PAXBP1: variants seen among roughly 807,000 people sequenced by gnomAD.
PAXBP1 encodes PAX3- and PAX7-binding protein 1.
PAXBP1 carries 44 observed loss-of-function variants against 119.9 expected under a neutral mutation model. The ratio of observed to expected loss-of-function variants is 0.37; its 90% CI spans 0.29 to 0.47. PAXBP1 has a LOEUF of 0.47. PAXBP1 is among the 20% of genes least tolerant of loss of function. The pLI is 0.99. For synonymous variants in PAXBP1, 393 were observed against 406.6 expected (o/e 0.97, Z 0.40); for missense variants, 898 against 1,134.1 (o/e 0.79, Z 2.99).
intron 15 of PAXBP1, among the ~76,000 whole-genome samples, chr21:32,739,709 A>G (rs1407742457): frequency 6.6e-6 from 1 of 151,870 alleles, no homozygotes; most frequent in African/African-American, 2.4e-5. Flanking sequence ...GATCGAGACC[A>G]TCCTGGCTAA....
intron 3 of PAXBP1, among the ~76,000 whole-genome samples, 199 bp from the exon 4 acceptor site, chr21:32,762,516 TA>T (rs2044166664): frequency 6.6e-6 from 1 of 152,044 alleles, no homozygotes; most frequent in African/African-American, 2.4e-5. Flanking sequence ...CTGAGGAAAC[TA>T]AAAAGAACAT....
chr21:32,771,305 C>T (rs1251010364), intron 1 of PAXBP1, 21 bp downstream of exon 1: 2 of 1,566,114 alleles, frequency 1.3e-6, no homozygotes, highest in African/African-American at 1.4e-5. Flanking sequence ...CGTCTAAGGG[C>T]GTCCGAAGCG....
intron 10 of PAXBP1, 40 bp downstream of exon 10, chr21:32,750,877 T>C (rs775907972): frequency 6.8e-7 from 1 of 1,472,692 alleles, no homozygotes; most frequent in Non-Finnish European, 9.4e-7. Flanking sequence ...AAGTAGAAAC[T>C]AAACTGATGA....
At chr21:32,748,804 C>T (rs923746493) in intron 10 of PAXBP1, 106 bp from the exon 11 acceptor site, 11 of 945,576 alleles carry the variant, frequency 1.2e-5, no homozygotes, top group East Asian at 5.2e-5. Context: ...TCAGAAGATA[C>T]GCTCATTAAC....
In PAXBP1 at chr21:32,762,240, G is replaced by T. The variant is rs777520327; in HGVS notation, c.727C>A (p.Pro243Thr). The T allele has an allele frequency of 2.2e-5, 36 of 1,614,006 alleles. No homozygotes were observed. Among genetic ancestry groups the T allele is most frequent in the Non-Finnish European group, 2.7e-5 (32 of 1,180,032 alleles). The change falls in exon 4 of 18, where the codon CCT (proline) becomes ACT (threonine). Residue 243 changes from proline to threonine, a missense_variant. Transcript: ENST00000331923. The stretch of plus-strand genomic sequence containing the variant: ...CCTTTACCAGGCTCATTATCATGAG[G>T]AGTGAAATCTCCCAATTCTCGGGCC... ...QMARELGDFTPHDNEPGKGRL... is the reference protein window; with the variant it reads ...QMARELGDFTTHDNEPGKGRL...
At chr21:32,759,743 G>C in intron 6 of PAXBP1, 34 bp downstream of exon 6, 1 of 1,548,330 alleles carries the variant, frequency 6.5e-7, no homozygotes, top group East Asian at 2.2e-5. Context: ...CAGAAAGCTA[G>C]CGGACAGGTC....
chr21:32,768,425 A>G (rs557815528), intron 2 of PAXBP1, among the ~76,000 whole-genome samples: 4 of 152,374 alleles, frequency 2.6e-5, no homozygotes, highest in Admixed American at 2.6e-4. Flanking sequence ...TTTTAAATCC[A>G]ATATGGCAAA....
chr21:32,748,502 A>G lies in PAXBP1; in HGVS notation c.1920T>C (p.Leu640=). ...AATAGTGACAGAAGCCACTCACCTCAAGAGGAGTCCAAGTGAGGAGCTGAA... is the reference window on the plus strand; with the variant it reads ...AATAGTGACAGAAGCCACTCACCTCGAGAGGAGTCCAAGTGAGGAGCTGAA... ...IRLQLLTWTP[L]EAKCRDFENM... Residue 640 remains leucine, a synonymous_variant, in exon 11 of 18, where the codon CTT becomes CTC. Coordinates refer to ENST00000331923, the MANE Select transcript of PAXBP1 (RefSeq NM_016631.4). 6.2e-7 allele frequency: 1 copy of G among 1,612,396 alleles called. No individual in the cohort carries two copies. The highest frequency in any genetic ancestry group is 1.1e-5 in the South Asian group (1 of 90,710).
rs776179074 is a variant in PAXBP1, at chr21:32,750,886, G to T, written c.1723+31C>A. 1.2e-5 allele frequency: 18 copies of T among 1,510,402 alleles called. No individual in the cohort carries two copies. In the Admixed American group the frequency reaches 2.5e-4, roughly 21 times the overall value. The allele number at this position is 1,510,402 out of a possible 1,614,324, so 93.6% of individuals were successfully genotyped here. A position where few individuals can be genotyped will look rare whatever the true frequency, so the allele number is the denominator to read the frequency against. ...ATACCCAAGTAGAAACTAAACTGAT[G>T]ATGAGTCTTATTTCCAAATAAATGT... On this transcript the variant is annotated intron_variant, in intron 10 of 17. Transcript: ENST00000331923.
intron 4 of PAXBP1, among the ~76,000 whole-genome samples, chr21:32,761,446 T>A (rs1213954570): frequency 1.3e-5 from 2 of 152,198 alleles, no homozygotes; most frequent in Non-Finnish European, 2.9e-5. Flanking sequence ...TAATGCCTCC[T>A]AGGAATATAG....
chr21:32,742,897 G>A (rs915540401), intron 15 of PAXBP1: 2 of 455,810 alleles, frequency 4.4e-6, no homozygotes, highest in Admixed American at 5.2e-5. Flanking sequence ...TATATATAGG[G>A]TTCGGTACTA....
chr21:32,745,025 A>G, intron 12 of PAXBP1, 112 bp from the exon 13 acceptor site: 1 of 1,202,318 alleles, frequency 8.3e-7, no homozygotes, highest in Non-Finnish European at 1.2e-6. Flanking sequence ...TTTTTCTACA[A>G]TATAAGCTTT....
intron 16 of PAXBP1, 145 bp downstream of exon 16, chr21:32,738,028 C>G (rs1379690918): frequency 1.4e-6 from 1 of 711,738 alleles, no homozygotes; most frequent in African/African-American, 1.9e-5. Flanking sequence ...GTTGGAACTA[C>G]CTGGGTAGGC....
chr21:32,748,040 G>A (rs534360881), intron 11 of PAXBP1, among the ~76,000 whole-genome samples: 1 of 151,306 alleles, frequency 6.6e-6, no homozygotes, highest in Non-Finnish European at 1.5e-5. Context: ...TCCCGCCTTG[G>A]CCTCCCAAAC....
chr21:32,761,853 G>T (rs973977223), intron 4 of PAXBP1, among the ~76,000 whole-genome samples: 4 of 152,056 alleles, frequency 2.6e-5, no homozygotes, highest in Non-Finnish European at 5.9e-5. Context: ...GACACAGTGA[G>T]ACCCCATAAC....
chr21:32,766,894 G>C (rs931381129), intron 2 of PAXBP1, among the ~76,000 whole-genome samples: 1 of 152,222 alleles, frequency 6.6e-6, no homozygotes, highest in Non-Finnish European at 1.5e-5. Context: ...GACTTTTCTT[G>C]TACTAGTTCA....
chr21:32,751,548 ACT>A (rs748355048), intron 8 of PAXBP1: 13 of 181,024 alleles, frequency 7.2e-5, no homozygotes, highest in Non-Finnish European at 1.1e-4. Flanking sequence ...ATAAATTAAA[ACT>A]CTAAATTACC....
chr21:32,762,452 T>C, intron 3 of PAXBP1, 135 bp from the exon 4 acceptor site: 1 of 1,203,666 alleles, frequency 8.3e-7, no homozygotes, highest in East Asian at 2.6e-5. Context: ...CTTCCCATAC[T>C]ATGTCTGCAA....
At chr21:32,770,369 G>A (rs2044316916) in intron 1 of PAXBP1, among the ~76,000 whole-genome samples, 1 of 152,016 alleles carries the variant, frequency 6.6e-6, no homozygotes, top group Admixed American at 6.6e-5. Context: ...TAAAGCTAAG[G>A]TAAGGGCAAA....
Sources: allele counts gnomAD v4.1 joint callset (sites outside exome capture counted in the v4.1 genomes callset), GRCh38; gene constraint gnomAD v4.1.1; transcripts MANE v1.5; gene names NCBI Gene and HGNC (gene_info 2026-07-23, HGNC 2026-07-21).